Variants in PLXDC1 observed in about 807,000 individuals in gnomAD.
The protein encoded by PLXDC1 is plexin domain containing 1.
In PLXDC1, 39 loss-of-function variants were observed where a neutral mutation model predicts 61.3. The ratio of observed to expected loss-of-function variants is 0.64; its 90% confidence interval spans 0.49 to 0.83. PLXDC1 has a LOEUF of 0.83. PLXDC1 is among the 40% of genes least tolerant of loss of function. The pLI is 0.00. For synonymous variants in PLXDC1, 212 were observed against 254.5 expected (o/e 0.83, Z 1.59); for missense variants, 596 against 666.5 (o/e 0.89, Z 1.17).
intron 1 of PLXDC1, among the ~76,000 whole-genome samples, chr17:39,150,171 G>T (rs2045364006): frequency 6.6e-6 from 1 of 152,024 alleles, no homozygotes; most frequent in Non-Finnish European, 1.5e-5. Context: ...AAAATTGGTG[G>T]TTCTCACCAG....
At chr17:39,086,614 C>T (rs962995599) in intron 8 of PLXDC1, among the ~76,000 whole-genome samples, 7 of 151,936 alleles carry the variant, frequency 4.6e-5, no homozygotes, top group African/African-American at 1.7e-4. Flanking sequence ...GTAATCCCAG[C>T]ACTTTGGGAG....
intron 2 of PLXDC1, among the ~76,000 whole-genome samples, chr17:39,128,107 ATATATATG>A (rs1911388503): frequency 9.9e-6 from 1 of 100,632 alleles, no homozygotes; most frequent in African/African-American, 4.3e-5. Flanking sequence ...GTATATATAT[ATATATATG>A]TATATATATA....
chr17:39,109,507 G>T (rs1910721131), intron 2 of PLXDC1, 116 bp from the exon 3 acceptor site: 20 of 1,283,518 alleles, frequency 1.6e-5, no homozygotes, highest in Non-Finnish European at 2.0e-5. Context: ...CCCTCCCAGG[G>T]TGCTGGACCT....
intron 11 of PLXDC1, chr17:39,073,209 T>C (rs896782394): frequency 2.6e-5 from 4 of 152,190 alleles, no homozygotes; most frequent in African/African-American, 9.7e-5. Context: ...AAAGATTTTT[T>C]TGAGATGAGG....
intron 2 of PLXDC1, among the ~76,000 whole-genome samples, chr17:39,128,105 A>ATATATACATATATATGTG (rs1555573186): frequency 1.5e-4 from 12 of 81,784 alleles, no homozygotes; most frequent in South Asian, 4.2e-4. Flanking sequence ...GTGTATATAT[A>ATATATACATATATATGTG]TATATATATG....
intron 7 of PLXDC1, among the ~76,000 whole-genome samples, chr17:39,092,220 A>G (rs1909982042): frequency 6.6e-6 from 1 of 151,912 alleles, no homozygotes; most frequent in South Asian, 2.1e-4. Context: ...TATTACAGGC[A>G]CACCCCATCA....
At chr17:39,148,349 G>A (rs896964878) in intron 1 of PLXDC1, among the ~76,000 whole-genome samples, 5 of 151,880 alleles carry the variant, frequency 3.3e-5, no homozygotes, top group African/African-American at 9.7e-5. Context: ...GACTACAGGC[G>A]CACACCGCCA....
At chr17:39,125,351 AC>A (rs1290209725) in intron 2 of PLXDC1, among the ~76,000 whole-genome samples, 1 of 152,184 alleles carries the variant, frequency 6.6e-6, no homozygotes, top group East Asian at 1.9e-4. Flanking sequence ...AGTGAGGCTG[AC>A]CTAAGAAAGC....
At chr17:39,081,904 T>C (rs142280848) in intron 9 of PLXDC1, among the ~76,000 whole-genome samples, 2,457 of 152,284 alleles carry the variant, frequency 0.016, 26 homozygotes, top group Middle Eastern at 0.037. Context: ...ATTGCACCAC[T>C]GCACCCCAGC....
chr17:39,135,445 G>A (rs983559889), intron 2 of PLXDC1, among the ~76,000 whole-genome samples: 8 of 152,220 alleles, frequency 5.3e-5, no homozygotes, highest in African/African-American at 1.7e-4. Flanking sequence ...GGGAGGCTGA[G>A]GCGGGTAGAT....
At chr17:39,090,462 T>G (rs759249649) in intron 7 of PLXDC1, among the ~76,000 whole-genome samples, 2 of 152,136 alleles carry the variant, frequency 1.3e-5, no homozygotes, top group Non-Finnish European at 2.9e-5. Context: ...GGGGCACTGA[T>G]GAGAGCATGG....
chr17:39,090,661 C>T (rs755283586), intron 7 of PLXDC1, among the ~76,000 whole-genome samples: 3 of 152,190 alleles, frequency 2.0e-5, no homozygotes, highest in Non-Finnish European at 4.4e-5. Context: ...AAGGGAGACA[C>T]TCAACGCACA....
chr17:39,073,291 CA>C (rs1344210143), intron 11 of PLXDC1: 2 of 152,186 alleles, frequency 1.3e-5, no homozygotes, highest in African/African-American at 4.8e-5. Context: ...CCTCTCAGAG[CA>C]CTGGGATTAC....
intron 13 of PLXDC1, among the ~76,000 whole-genome samples, chr17:39,068,400 T>C (rs963417066): frequency 1.3e-5 from 2 of 152,190 alleles, no homozygotes; most frequent in African/African-American, 4.8e-5. Context: ...GATTCTGGCC[T>C]GTGCAGTGGC....
At chr17:39,124,489 A>T (rs1015081286) in intron 2 of PLXDC1, among the ~76,000 whole-genome samples, 61 of 152,316 alleles carry the variant, frequency 4.0e-4, no homozygotes, top group African/African-American at 1.4e-3. Flanking sequence ...GCTACTAGGG[A>T]GGCTGAGGTA....
intron 7 of PLXDC1, among the ~76,000 whole-genome samples, chr17:39,091,804 A>T (rs1344939603): frequency 6.6e-6 from 1 of 151,818 alleles, no homozygotes; most frequent in African/African-American, 2.4e-5. Context: ...CTAAAAATTT[A>T]AAAAATTAGC....
chr17:39,129,741 G>GAAAGAAAGAAAGAAAGAAA (rs1168985590), intron 2 of PLXDC1, among the ~76,000 whole-genome samples: 10 of 39,566 alleles, frequency 2.5e-4, no homozygotes, highest in African/African-American at 9.7e-4. Context: ...AAGAAAGAAA[G>GAAAGAAAGAAAGAAAGAAA]GAAAGAAAAG....
At chr17:39,116,673 G>A (rs1010405944) in intron 2 of PLXDC1, among the ~76,000 whole-genome samples, 7 of 152,190 alleles carry the variant, frequency 4.6e-5, no homozygotes, top group African/African-American at 9.7e-5. Flanking sequence ...AGATACCTTC[G>A]GGGGCAAGGA....
chr17:39,110,719 G>A (rs1910767763), intron 2 of PLXDC1, among the ~76,000 whole-genome samples: 1 of 152,254 alleles, frequency 6.6e-6, no homozygotes. Context: ...CAGCTGCCCA[G>A]CCGGCCCTTG....
Sources: allele counts gnomAD v4.1 joint callset (sites outside exome capture counted in the v4.1 genomes callset), GRCh38; gene constraint gnomAD v4.1.1; transcripts MANE v1.5; gene names NCBI Gene and HGNC (gene_info 2026-07-23, HGNC 2026-07-21).